C9orf50: variants seen among roughly 807,000 people sequenced by gnomAD.
The protein encoded by C9orf50 is chromosome 9 open reading frame 50, also known as uncharacterized protein C9orf50.
C9orf50 carries 33 observed loss-of-function variants against 42.5 expected under a neutral mutation model. The ratio of observed to expected loss-of-function variants is 0.78; its 90% CI spans 0.59 to 1.04. The LOEUF (loss-of-function observed/expected upper bound fraction) is 1.04. Ranked by LOEUF, C9orf50 falls within the 50% of genes least tolerant of loss-of-function variation. The probability of loss-of-function intolerance (pLI) is 0.00; values close to 1 mark genes in which losing one functional copy is unlikely to be tolerated. For missense variants in C9orf50, 547 were observed against 594.3 expected, an observed-to-expected ratio of 0.92 and a Z score of 0.83; for synonymous variants, 257 against 273.4, an observed-to-expected ratio of 0.94 and a Z score of 0.59.
Position 129,619,817 on chromosome 9 carries a change from C to T in C9orf50, c.522G>A (p.Pro174=), listed in dbSNP as rs772931990. 6 of 1,613,878 alleles carry T rather than the reference C, an allele frequency of 3.7e-6. No homozygotes were observed. In the African/African-American group the frequency reaches 4.0e-5, roughly 11 times the overall value. ...GCTCTAATACACCCCTTTGATGTTG[C>T]GGTGCTGGGGATGCTGGAGCCAGGA... The change falls in exon 2 of 7, where the codon CCG becomes CCA. Residue 174 remains proline, a synonymous_variant. Transcript: ENST00000372478.
At chr9:129,615,508 G>C (rs776911121) in exon 4 of C9orf50, 4 of 1,605,736 alleles carry the variant, frequency 2.5e-6, no homozygotes, top group Middle Eastern at 1.7e-4. Flanking sequence ...TCCCAGTAGC[G>C]GAGCGTTGTG....
intron 3 of C9orf50, 87 bp from the exon 4 acceptor site, chr9:129,615,734 T>C: frequency 7.2e-7 from 1 of 1,390,556 alleles, no homozygotes; most frequent in Non-Finnish European, 9.5e-7. Context: ...TGTGAGATCC[T>C]GGACAAGTGC....
upstream of C9orf50, among the ~76,000 whole-genome samples, chr9:129,621,046 C>T (rs978655834): frequency 1.3e-5 from 2 of 152,276 alleles, no homozygotes; most frequent in Non-Finnish European, 2.9e-5. Flanking sequence ...GGGATAATAG[C>T]AGCACCTGCC....
Position 129,620,310 on chromosome 9 carries a change from G to T in C9orf50, c.265C>A (p.Arg89=). Reference sequence around the variant, plus strand: ...AGCAGCCCCCGCTTCCGCACGGCCCGCCGGGTCGCGGTGAGCAAGGCGGGC... The same window carrying T: ...AGCAGCCCCCGCTTCCGCACGGCCCTCCGGGTCGCGGTGAGCAAGGCGGGC... The change falls in exon 1 of 7, where the codon CGG becomes AGG. Residue 89 remains arginine, a synonymous_variant. Coordinates refer to ENST00000372478, the Ensembl canonical transcript of C9orf50. This position sits in a 1 kb window ranked among gnomAD's most constrained non-coding sequence, Gnocchi z 5.8. 8.0e-7 allele frequency: 1 copy of T among 1,244,002 alleles called. No individual in the cohort carries two copies. The highest frequency in any genetic ancestry group is 1.0e-6 in the Non-Finnish European group (1 of 991,868). The allele number at this position is 1,244,002 out of a possible 1,614,324, so 77.1% of individuals were successfully genotyped here. A position where few individuals can be genotyped will look rare whatever the true frequency, so the allele number is the denominator to read the frequency against.
In C9orf50 at chr9:129,620,584, C is replaced by G. The variant is rs1830650244; in HGVS notation, c.-10G>C. 6 of 1,336,182 alleles carry G rather than the reference C, an allele frequency of 4.5e-6. No homozygotes were observed. Among genetic ancestry groups the G allele is most frequent in the Non-Finnish European group, 5.8e-6 (6 of 1,041,980 alleles). The allele number at this position is 1,336,182 out of a possible 1,614,324, so 82.8% of individuals were successfully genotyped here. On this transcript the variant is annotated 5_prime_UTR_variant, in exon 1 of 7. Coordinates refer to ENST00000372478, the Ensembl canonical transcript of C9orf50. The surrounding 1 kb of genome is among the most constrained non-coding windows in gnomAD (Gnocchi z 5.8). ...GTCGACGCCAGAACATGCTTGGCCC[C>G]GCACTCAGCTCACCGCACCCTCAGC...
chr9:129,620,205 G>C lies in C9orf50; in HGVS notation c.370C>G (p.Arg124Gly). The change falls in exon 1 of 7, where the codon CGC (arginine) becomes GGC (glycine). Residue 124 changes from arginine (R) to glycine (G), a missense_variant. Arg to Gly is a moderately radical substitution (Grantham distance 125, BLOSUM62 -2). Coordinates refer to ENST00000372478, the Ensembl canonical transcript of C9orf50. The surrounding 1 kb of genome is among the most constrained non-coding windows in gnomAD (Gnocchi z 5.8). ...GCCACGCGCCTCCGGGGGCGCTCGC[G>C]CTCTCCAGGCCCTGGCTGCCTGGGC... The C allele has an allele frequency of 2.8e-6, 4 of 1,446,734 alleles. No homozygotes were observed. Among genetic ancestry groups the C allele is most frequent in the Non-Finnish European group, 2.7e-6 (3 of 1,096,414 alleles). The allele number at this position is 1,446,734 out of a possible 1,614,324, so 89.6% of individuals were successfully genotyped here.
rs535635348 is a variant in C9orf50 at position 129,613,586 on chromosome 9, C to T, written c.892G>A (p.Val298Ile). The change falls in exon 5 of 7, where the codon GTC (valine) becomes ATC (isoleucine). Residue 298 changes from valine to isoleucine, a missense_variant. Physicochemically the swap from Val to Ile is conservative, Grantham distance 29 (BLOSUM62 3). Transcript: ENST00000372478. This position sits in a 1 kb window ranked among gnomAD's most constrained non-coding sequence, Gnocchi z 6.2. ...AGGGCGGCCTTCTGGTTCACAATGA[C>T]GCTCTGTTGGACTGCAGGAAAGAGG... 30 of 1,614,154 alleles carry T rather than the reference C, an allele frequency of 1.9e-5. No homozygotes were observed. The highest frequency in any genetic ancestry group is 2.3e-5 in the Non-Finnish European group (27 of 1,180,022).
In C9orf50 at chr9:129,614,874, C is replaced by G. The variant is rs1830274765; in HGVS notation, c.880+610G>C. On this transcript the variant is annotated intron_variant, in intron 4 of 6. Transcript: ENST00000372478. The surrounding 1 kb of genome is among the most constrained non-coding windows in gnomAD (Gnocchi z 4.4). The stretch of plus-strand genomic sequence containing the variant: ...CCGAGATCGCGCCACTGCACTCCAG[C>G]CTGGGCGACAGAGTGAGACTCCGTA... Among the ~76,000 whole-genome samples the G allele has an allele frequency of 6.6e-6, 1 of 152,060 alleles. No individual in the cohort carries two copies. Among genetic ancestry groups the G allele is most frequent in the Non-Finnish European group, 1.5e-5 (1 of 68,020 alleles).
rs185973798 is a variant in C9orf50 at position 129,619,447 on chromosome 9, G to C, written c.716+73C>G. 380 of 1,081,614 alleles carry C rather than the reference G, an allele frequency of 3.5e-4. 2 individuals carry two copies. The East Asian group carries it at 8.4e-3, about 24-fold the overall frequency. The allele number at this position is 1,081,614 out of a possible 1,614,324, so 67.0% of individuals were successfully genotyped here. On this transcript the variant is annotated intron_variant, in intron 3 of 6. Transcript: ENST00000372478. ...TGGATAAATGAATACATTCATGGGCGAAAGAGGAAAGAAAGAAGGAAAGAA... is the reference window on the plus strand; with the variant it reads ...TGGATAAATGAATACATTCATGGGCCAAAGAGGAAAGAAAGAAGGAAAGAA...
chr9:129,614,406 C>T lies in C9orf50; in HGVS notation c.881-809G>A, dbSNP rs1362632730. ...TAGGTTTGCAGGGCATCGCCCACAG[C>T]TAGACCTTGAGGCAGACATTTCCTG... On this transcript the variant is annotated intron_variant, in intron 4 of 6. Coordinates refer to ENST00000372478, the Ensembl canonical transcript of C9orf50. The surrounding 1 kb of genome is among the most constrained non-coding windows in gnomAD (Gnocchi z 4.4). Among the ~76,000 whole-genome samples the T allele has an allele frequency of 6.6e-6, 1 of 152,222 alleles. No individual in the cohort carries two copies. The highest frequency in any genetic ancestry group is 1.5e-5 in the Non-Finnish European group (1 of 68,040).
exon 4 of C9orf50, chr9:129,615,623 G>T: frequency 6.3e-7 from 1 of 1,585,408 alleles, no homozygotes; most frequent in Admixed American, 1.8e-5. Context: ...CCTTGAGCCT[G>T]GGGACCTGTG....
intron 4 of C9orf50, 30 bp downstream of exon 4, chr9:129,615,454 G>A: frequency 6.5e-7 from 1 of 1,534,318 alleles, no homozygotes; most frequent in Non-Finnish European, 8.8e-7. Context: ...ACTTTCGGGA[G>A]TCTCGAGGCT....
rs372378735 is a variant in C9orf50, at chr9:129,620,440, G to A, written c.135C>T (p.Gly45=). Residue 45 remains glycine, a synonymous_variant, in exon 1 of 7, where the codon GGC becomes GGT. Coordinates refer to ENST00000372478, the Ensembl canonical transcript of C9orf50. This position sits in a 1 kb window ranked among gnomAD's most constrained non-coding sequence, Gnocchi z 5.8. ...TCCTCCAGTCCCCGGAGCCCCGCGC[G>A]CCCAGAGCCGCTCGGAGCGCGGGCG... 2.3e-6 allele frequency: 3 copies of A among 1,294,648 alleles called. No homozygotes were observed. The highest frequency in any genetic ancestry group is 2.2e-5 in the South Asian group (1 of 45,468). 80.2% of individuals were successfully genotyped at this position (1,294,648 alleles called of 1,614,324 possible). A position where few individuals can be genotyped will look rare whatever the true frequency, so the allele number is the denominator to read the frequency against.
At chr9:129,616,573 G>A (rs1299627729) in intron 3 of C9orf50, among the ~76,000 whole-genome samples, 4 of 151,980 alleles carry the variant, frequency 2.6e-5, no homozygotes, top group African/African-American at 9.7e-5. Flanking sequence ...TCCCAGCCAC[G>A]TGGCCTTTGG....
exon 4 of C9orf50, chr9:129,615,529 T>A: frequency 6.2e-7 from 1 of 1,610,844 alleles, no homozygotes; most frequent in Non-Finnish European, 8.5e-7. Flanking sequence ...TCCTGCAGGG[T>A]CTCGTCAGCG....
In C9orf50 at chr9:129,612,355, T is replaced by C. The variant is rs142045019; in HGVS notation, c.1288A>G (p.Lys430Glu). The C allele has an allele frequency of 2.5e-5, 41 of 1,613,600 alleles. 1 individual carries two copies. In the African/African-American group the frequency reaches 5.1e-4, roughly 20 times the overall value. Residue 430 changes from lysine (K) to glutamate (E), a missense_variant, in exon 7 of 7, where the codon AAG becomes GAG. Coordinates refer to ENST00000372478, the Ensembl canonical transcript of C9orf50. ...CTTGGGTTCGCGAGTGTTCACCTCT[T>C]ATCTGGCTGCAGTGTTGCGGAGGCC... is the stretch of plus-strand genomic sequence containing the variant.
chr9:129,617,348 C>T (rs923709517), intron 3 of C9orf50, among the ~76,000 whole-genome samples: 2 of 152,246 alleles, frequency 1.3e-5, no homozygotes, highest in African/African-American at 2.4e-5. Context: ...TCAGGAACCC[C>T]TGCTCTCTGC....
In C9orf50 at chr9:129,613,287, C is replaced by CT. The variant is rs1564332253; in HGVS notation, c.1044-37dup. The CT allele has an allele frequency of 8.9e-6, 14 of 1,576,384 alleles. No homozygotes were observed. Among genetic ancestry groups the CT allele is most frequent in the South Asian group, 7.0e-5 (6 of 86,224 alleles). On this transcript the variant is annotated intron_variant, in intron 5 of 6. Coordinates refer to ENST00000372478, the Ensembl canonical transcript of C9orf50. This position sits in a 1 kb window ranked among gnomAD's most constrained non-coding sequence, Gnocchi z 6.2. ...CAGGACCCCATGAGCTTCCTGGACTCTGAGTCCCCGGCCCACCCATGGCTG... is the reference window on the plus strand; with the variant it reads ...CAGGACCCCATGAGCTTCCTGGACTCTTGAGTCCCCGGCCCACCCATGGCTG...
At chr9:129,621,272 T>C (rs558344339), upstream of C9orf50, among the ~76,000 whole-genome samples, 1 of 152,244 alleles carries the variant, frequency 6.6e-6, no homozygotes, top group South Asian at 2.1e-4. Context: ...CTGTTGAAAA[T>C]ACAGATGACT....
Sources: gnomAD v4.1 joint callset for allele counts (sites outside exome capture counted in the v4.1 genomes callset) on GRCh38, gnomAD v4.1.1 for gene constraint, Gnocchi (gnomAD v3.1) non-coding constraint, MANE v1.5 for transcripts, NCBI Gene and HGNC (gene_info 2026-07-23, HGNC 2026-07-21) for gene names.